Variants in NRG1 observed in about 807,000 individuals in gnomAD.
NRG1 encodes the protein pro-neuregulin-1, membrane-bound isoform.
A neutral mutation model predicts 63.8 loss-of-function variants in NRG1; 18 were observed. That is an observed-to-expected ratio of 0.28 (90% confidence interval 0.19 to 0.42). The LOEUF (loss-of-function observed/expected upper bound fraction) is 0.42. Ranked by LOEUF, NRG1 falls within the 10% of genes least tolerant of loss-of-function variation. The pLI, the probability that NRG1 is intolerant of heterozygous loss-of-function variation, is 1.00. For synonymous variants in NRG1, 302 were observed against 301.3 expected (o/e 1.00, Z -0.02); for missense variants, 762 against 814.7 (o/e 0.94, Z 0.79).
At chr8:32,054,398 A>G (rs1443180098) in intron 1 of NRG1, among the ~76,000 whole-genome samples, 1 of 152,232 alleles carries the variant, frequency 6.6e-6, no homozygotes, top group Non-Finnish European at 1.5e-5. Flanking sequence ...ATGCTTATTG[A>G]GTAAAAAGTC....
At chr8:32,648,418 G>A (rs755105067) in intron 5 of NRG1, 8 of 1,601,098 alleles carry the variant, frequency 5.0e-6, no homozygotes, top group Non-Finnish European at 6.0e-6. Flanking sequence ...CGATGATGAT[G>A]ATGAATAAAA....
At chr8:32,040,291 A>T (rs529434892) in intron 1 of NRG1, among the ~76,000 whole-genome samples, 1 of 152,206 alleles carries the variant, frequency 6.6e-6, no homozygotes, top group Non-Finnish European at 1.5e-5. Context: ...GTGTATTTCA[A>T]TTTAAATTGT....
At chr8:32,675,060 A>G (rs1806696193) in intron 5 of NRG1, among the ~76,000 whole-genome samples, 2 of 152,222 alleles carry the variant, frequency 1.3e-5, no homozygotes, top group Admixed American at 1.3e-4. Context: ...CCAGTTCAAT[A>G]CAATGATGAG....
chr8:32,035,892 C>T (rs1035023801), intron 1 of NRG1, among the ~76,000 whole-genome samples: 15 of 151,576 alleles, frequency 9.9e-5, no homozygotes, highest in Admixed American at 9.2e-4. Context: ...CTTTATCCAG[C>T]TTTCCATTCT....
At chr8:31,834,899 A>C (rs1825552866) in intron 1 of NRG1, among the ~76,000 whole-genome samples, 1 of 152,168 alleles carries the variant, frequency 6.6e-6, no homozygotes, top group South Asian at 2.1e-4. Flanking sequence ...ATCAAGGTTT[A>C]TGCAACTGTA....
intron 1 of NRG1, among the ~76,000 whole-genome samples, chr8:32,410,819 A>G (rs1246870829): frequency 1.3e-5 from 2 of 151,828 alleles, no homozygotes; most frequent in African/African-American, 4.8e-5. Flanking sequence ...GGAAATCTAT[A>G]TATTTGCACA....
intron 1 of NRG1, chr8:31,639,916 A>G: frequency 1.8e-6 from 2 of 1,100,696 alleles, no homozygotes; most frequent in Non-Finnish European, 2.2e-6. Context: ...GGGAAGGAAA[A>G]GGGAGGCAGC....
intron 1 of NRG1, among the ~76,000 whole-genome samples, chr8:31,964,170 A>G (rs1805940248): frequency 6.6e-6 from 1 of 152,226 alleles, no homozygotes; most frequent in South Asian, 2.1e-4. Flanking sequence ...ATGGTGAAGC[A>G]GAGGAGAAAC....
At chr8:32,646,408 ATTAGAGG>A (rs1853553807) in intron 5 of NRG1, among the ~76,000 whole-genome samples, 1 of 152,228 alleles carries the variant, frequency 6.6e-6, no homozygotes, top group Non-Finnish European at 1.5e-5. Context: ...AACAAAACTT[ATTAGAGG>A]GCTAGGGAAG....
At chr8:32,540,432 G>C in intron 1 of NRG1, among the ~76,000 whole-genome samples, 1 of 151,940 alleles carries the variant, frequency 6.6e-6, no homozygotes, top group East Asian at 1.9e-4. Context: ...ACTATCTTTT[G>C]GAAAAAACAA....
chr8:32,068,163 T>C (rs1825178054), intron 1 of NRG1, among the ~76,000 whole-genome samples: 1 of 152,222 alleles, frequency 6.6e-6, no homozygotes, highest in African/African-American at 2.4e-5. Context: ...AACTTTGTGA[T>C]GTATGTTGGG....
Position 31,862,185 on chromosome 8 carries a change from C to T in NRG1, c.37+222754C>T, listed in dbSNP as rs112597756. On this transcript the variant is annotated intron_variant, in intron 1 of 10. Coordinates refer to the NRG1 transcript ENST00000519301. ...TCTAATTTACATCAGGGAGCAGATA[C>T]CTCTTTACTTTTTTGAGATTTTTCT... Among the ~76,000 whole-genome samples, 867 of 152,252 alleles carry T rather than the reference C, an allele frequency of 5.7e-3. 9 individuals are homozygous for T. Among genetic ancestry groups the T allele is most frequent in the Non-Finnish European group, 8.4e-3 (574 of 68,010 alleles).
intron 3 of NRG1, among the ~76,000 whole-genome samples, chr8:32,609,627 C>T (rs1451268980): frequency 1.5e-5 from 2 of 135,218 alleles, no homozygotes; most frequent in African/African-American, 5.6e-5. Context: ...TCCTTTCCCT[C>T]CCTCCCTCCC....
intron 6 of NRG1, among the ~76,000 whole-genome samples, chr8:32,732,010 A>G (rs1460107325): frequency 6.6e-6 from 1 of 152,224 alleles, no homozygotes; most frequent in Non-Finnish European, 1.5e-5. Flanking sequence ...ATGTTACAGC[A>G]AATCTCTTTT....
At chr8:31,948,519 T>C (rs2129622486) in intron 1 of NRG1, among the ~76,000 whole-genome samples, 1 of 152,274 alleles carries the variant, frequency 6.6e-6, no homozygotes, top group East Asian at 1.9e-4. Context: ...GCTGTTGAAA[T>C]TGCTGGGCTG....
chr8:32,140,435 C>T (rs1836096502), intron 1 of NRG1, among the ~76,000 whole-genome samples: 1 of 151,816 alleles, frequency 6.6e-6, no homozygotes, highest in African/African-American at 2.4e-5. Context: ...CTTGTCTTCC[C>T]CACCTGCTGA....
At chr8:32,726,128 A>G (rs1021282523) in intron 5 of NRG1, among the ~76,000 whole-genome samples, 5 of 152,098 alleles carry the variant, frequency 3.3e-5, no homozygotes, top group African/African-American at 1.2e-4. Flanking sequence ...TCCAATTCTT[A>G]TTTATCCATA....
chr8:32,559,186 A>G (rs2129526475), intron 1 of NRG1, among the ~76,000 whole-genome samples: 1 of 149,926 alleles, frequency 6.7e-6, no homozygotes. Context: ...GAGAGAAATA[A>G]CCCTTTGGAA....
intron 1 of NRG1, among the ~76,000 whole-genome samples, chr8:32,082,135 A>G (rs952051414): frequency 3.3e-5 from 5 of 152,026 alleles, no homozygotes; most frequent in Non-Finnish European, 7.4e-5. Context: ...AACCAGGCTT[A>G]GGCAGAGGGA....
Sources: allele counts gnomAD v4.1 joint callset (sites outside exome capture counted in the v4.1 genomes callset), GRCh38; gene constraint gnomAD v4.1.1; transcripts MANE v1.5; gene names NCBI Gene and HGNC (gene_info 2026-07-23, HGNC 2026-07-21).